The following CABLES1 variants were observed in gnomAD, a reference collection of about 807,000 sequenced individuals.
CABLES1 encodes CDK5 and ABL1 enzyme substrate 1.
CABLES1 carries 36 observed loss-of-function variants against 57.8 expected under a neutral mutation model. The ratio of observed to expected loss-of-function variants is 0.62; its 90% CI spans 0.48 to 0.82. The LOEUF (loss-of-function observed/expected upper bound fraction) is 0.82. Among genes scored for constraint, CABLES1 ranks in the 40% least tolerant of loss-of-function variants. The pLI is 0.00. For synonymous variants in CABLES1, 374 were observed against 363.0 expected, an observed-to-expected ratio of 1.03 and a Z score of -0.35; for missense variants, 767 against 836.6, an observed-to-expected ratio of 0.92 and a Z score of 1.03.
At chr18:23,194,075 A>G (rs2047264628) in intron 2 of CABLES1, among the ~76,000 whole-genome samples, 1 of 152,118 alleles carries the variant, frequency 6.6e-6, no homozygotes, top group African/African-American at 2.4e-5. Context: ...CCCCCTTTAA[A>G]TGTACAGTTT....
chr18:23,147,456 C>G (rs1194178658), intron 1 of CABLES1, among the ~76,000 whole-genome samples: 1 of 152,220 alleles, frequency 6.6e-6, no homozygotes, highest in Non-Finnish European at 1.5e-5. Context: ...AGGTTTGGCC[C>G]TTAGTGATTG....
At chr18:23,184,108 TTTCTTTACAGTGAC>T (rs1402216814) in intron 1 of CABLES1, among the ~76,000 whole-genome samples, 1 of 152,198 alleles carries the variant, frequency 6.6e-6, no homozygotes, top group East Asian at 1.9e-4. Context: ...CACAGGATGG[TTTCTTTACAGTGAC>T]TGGTGGTAGT....
At chr18:23,160,172 G>A (rs888439739) in intron 1 of CABLES1, among the ~76,000 whole-genome samples, 4 of 151,820 alleles carry the variant, frequency 2.6e-5, no homozygotes, top group Admixed American at 2.0e-4. Context: ...CGAGTAGCTG[G>A]GATTACAGGC....
At chr18:23,155,723 G>C (rs937257271) in intron 1 of CABLES1, 38 of 1,043,760 alleles carry the variant, frequency 3.6e-5, no homozygotes, top group Non-Finnish European at 4.8e-5. Context: ...CAGGATCCTA[G>C]AATCACGGGG....
chr18:23,179,243 G>A (rs748424729), intron 1 of CABLES1, among the ~76,000 whole-genome samples: 6 of 152,018 alleles, frequency 3.9e-5, no homozygotes, highest in Non-Finnish European at 8.8e-5. Context: ...CCGAGATCGC[G>A]CCACTGCACT....
chr18:23,215,550 C>G (rs2047435452), intron 4 of CABLES1, among the ~76,000 whole-genome samples: 1 of 152,152 alleles, frequency 6.6e-6, no homozygotes. Context: ...CCTCGTTTCT[C>G]TGGGTTTCCC....
At chr18:23,187,307 G>C (rs2145013722) in intron 1 of CABLES1, among the ~76,000 whole-genome samples, 1 of 152,330 alleles carries the variant, frequency 6.6e-6, no homozygotes, top group South Asian at 2.1e-4. Flanking sequence ...TGTGTGCTTG[G>C]TTCACACACA....
chr18:23,220,478 T>A (rs1406697414), intron 4 of CABLES1, among the ~76,000 whole-genome samples: 1 of 152,006 alleles, frequency 6.6e-6, no homozygotes, highest in Non-Finnish European at 1.5e-5. Context: ...GCAGGCAGTG[T>A]GGCCGCAGAT....
At chr18:23,249,038 G>T (rs1020803169) in intron 7 of CABLES1, among the ~76,000 whole-genome samples, 1 of 152,134 alleles carries the variant, frequency 6.6e-6, no homozygotes, top group African/African-American at 2.4e-5. Context: ...CTCCAGATCC[G>T]TGCTGCTCTG....
intron 7 of CABLES1, among the ~76,000 whole-genome samples, chr18:23,240,767 T>C (rs1158220849): frequency 6.6e-6 from 1 of 152,210 alleles, no homozygotes; most frequent in Non-Finnish European, 1.5e-5. Flanking sequence ...GGCGCCCACC[T>C]GAAATCCTGG....
At chr18:23,253,155 C>CTG in intron 8 of CABLES1, 89 bp downstream of exon 8, 1 of 748,864 alleles carries the variant, frequency 1.3e-6, no homozygotes, top group Non-Finnish European at 2.4e-6. Flanking sequence ...GTGGTCCTTC[C>CTG]TGTGGTTCCA....
chr18:23,148,483 C>T (rs2046907496), intron 1 of CABLES1, among the ~76,000 whole-genome samples: 1 of 152,174 alleles, frequency 6.6e-6, no homozygotes, highest in African/African-American at 2.4e-5. Flanking sequence ...GGTCTTTGTC[C>T]AGGGATCCCA....
At chr18:23,147,143 A>G (rs897166642) in intron 1 of CABLES1, among the ~76,000 whole-genome samples, 1 of 152,208 alleles carries the variant, frequency 6.6e-6, no homozygotes, top group Non-Finnish European at 1.5e-5. Context: ...CCCAATAACA[A>G]CAGCTCTCTC....
At chr18:23,177,717 G>GC (rs753676213) in intron 1 of CABLES1, among the ~76,000 whole-genome samples, 1 of 152,064 alleles carries the variant, frequency 6.6e-6, no homozygotes, top group Non-Finnish European at 1.5e-5. Context: ...AGCCCCTCAG[G>GC]CCCCCTGCCA....
rs1352715584 is a variant in CABLES1 at position 23,135,492 on chromosome 18, A to AGCGGCCAGGCGACCGGCGG, written c.-262_-244dup. The AGCGGCCAGGCGACCGGCGG allele has an allele frequency of 1.3e-5, 2 of 149,448 alleles. No homozygotes were observed. Among genetic ancestry groups the AGCGGCCAGGCGACCGGCGG allele is most frequent in the Admixed American group, 6.7e-5 (1 of 14,944 alleles). The allele number at this position is 149,448 out of a possible 1,614,324, so 9.3% of individuals were successfully genotyped here. ...CACCCGGCCCCGGAGCCCGCGAGCCAGCGGCCAGGCGACCGGCGGGCGGCC... is the reference window on the plus strand; with the variant it reads ...CACCCGGCCCCGGAGCCCGCGAGCCAGCGGCCAGGCGACCGGCGGGCGGCCAGGCGACCGGCGGGCGGCC... On this transcript the variant is annotated 5_prime_UTR_variant, in exon 1 of 10. Coordinates refer to ENST00000256925, the MANE Select transcript of CABLES1 (RefSeq NM_001100619.3).
chr18:23,217,040 A>G (rs2047447196), intron 4 of CABLES1, among the ~76,000 whole-genome samples: 1 of 152,154 alleles, frequency 6.6e-6, no homozygotes, highest in East Asian at 1.9e-4. Context: ...TTTATAGATG[A>G]GGAAACCAAG....
rs1366778629 is a variant in CABLES1, at chr18:23,161,485, C to G, written c.845+24878C>G. Among the ~76,000 whole-genome samples, 3 of 151,022 alleles carry G rather than the reference C, an allele frequency of 2.0e-5. No individual in the cohort carries two copies. The East Asian group carries it at 5.8e-4, about 29-fold the overall frequency. ...CTCCCTCTTTCTTGCATCCATCCCT[C>G]CCATAGTTCTTGAACACATACTGTG... On this transcript the variant is annotated intron_variant, in intron 1 of 9. Transcript: ENST00000256925.
chr18:23,206,303 TCCAG>T (rs2047362867), intron 3 of CABLES1, among the ~76,000 whole-genome samples: 2 of 152,200 alleles, frequency 1.3e-5, no homozygotes, highest in Non-Finnish European at 2.9e-5. Context: ...GAGGCCTTTC[TCCAG>T]CCAGCCTCAC....
intron 1 of CABLES1, among the ~76,000 whole-genome samples, chr18:23,180,358 T>C (rs188291421): frequency 1.1e-4 from 16 of 152,270 alleles, no homozygotes; most frequent in African/African-American, 3.4e-4. Context: ...AGCAGGCTGA[T>C]GGTGCTGTGG....
Sources: allele counts gnomAD v4.1 joint callset (sites outside exome capture counted in the v4.1 genomes callset), GRCh38; gene constraint gnomAD v4.1.1; transcripts MANE v1.5; gene names NCBI Gene and HGNC (gene_info 2026-07-23, HGNC 2026-07-21).